The following ASAP1 variants were observed in gnomAD, a reference collection of about 807,000 sequenced individuals.
The protein encoded by ASAP1 is ArfGAP with SH3 domain, ankyrin repeat and PH domain 1.
ASAP1 carries 43 observed loss-of-function variants against 145.2 expected under a neutral mutation model. The ratio of observed to expected loss-of-function variants is 0.30; its 90% CI spans 0.23 to 0.38. The LOEUF (loss-of-function observed/expected upper bound fraction) is 0.38, where lower values mean the gene tolerates loss of function less well. Among genes scored for constraint, ASAP1 ranks in the 10% least tolerant of loss-of-function variants. The pLI is 1.00. For synonymous variants in ASAP1, 546 were observed against 515.5 expected, an observed-to-expected ratio of 1.06 and a Z score of -0.80; for missense variants, 1,018 against 1,355.3, an observed-to-expected ratio of 0.75 and a Z score of 3.91.
intron 27 of ASAP1, among the ~76,000 whole-genome samples, chr8:130,070,630 C>G (rs1031113062): frequency 6.6e-6 from 1 of 151,678 alleles, no homozygotes; most frequent in African/African-American, 2.4e-5. Flanking sequence ...ACTTAAGGGA[C>G]CTTGCTATGA....
intron 3 of ASAP1, among the ~76,000 whole-genome samples, chr8:130,312,650 G>A (rs1031674100): frequency 2.0e-5 from 3 of 152,124 alleles, no homozygotes; most frequent in African/African-American, 7.2e-5. Context: ...TATAGGTAAG[G>A]AAAACAAGGC....
rs376335866 is a variant in ASAP1, at chr8:130,402,058, T to A, written c.-27-88A>T. ...TGTCTCAGACCAAGATCGGATTTCA[T>A]ATGGAGGCTGCACCTTTGTCAGGAA... On this transcript the variant is annotated intron_variant, in intron 1 of 29. Transcript: ENST00000518721. The A allele has an allele frequency of 1.9e-4, 154 of 824,912 alleles. 1 individual carries two copies. Among genetic ancestry groups the A allele is most frequent in the Middle Eastern group, 1.4e-3 (4 of 2,800 alleles). The allele number at this position is 824,912 out of a possible 1,614,324, so 51.1% of individuals were successfully genotyped here.
Position 130,136,929 on chromosome 8 carries a change from C to G in ASAP1, c.1168+22G>C, listed in dbSNP as rs138705649. The G allele has an allele frequency of 3.7e-5, 60 of 1,606,432 alleles. No homozygotes were observed. The East Asian group carries it at 1.1e-3, about 30-fold the overall frequency. ...GTGTCAGAAGCCACAATAACCAACT[C>G]AGAGAGAGAAAAAGGACTCACGTGA... On this transcript the variant is annotated intron_variant, in intron 14 of 29. Coordinates refer to ENST00000518721, the MANE Select transcript of ASAP1 (RefSeq NM_018482.4).
At chr8:130,403,349 T>C (rs1322523611) in intron 1 of ASAP1, among the ~76,000 whole-genome samples, 1 of 151,896 alleles carries the variant, frequency 6.6e-6, no homozygotes, top group African/African-American at 2.4e-5. Context: ...TTGAGTGATA[T>C]GAAGAATACA....
chr8:130,362,439 C>T (rs1826763425), intron 2 of ASAP1, among the ~76,000 whole-genome samples: 1 of 152,160 alleles, frequency 6.6e-6, no homozygotes, highest in African/African-American at 2.4e-5. Context: ...GTTTATTCAC[C>T]TTCTTTTCTA....
intron 5 of ASAP1, among the ~76,000 whole-genome samples, chr8:130,204,663 T>C (rs774166594): frequency 5.3e-5 from 8 of 152,186 alleles, no homozygotes; most frequent in Non-Finnish European, 1.2e-4. Flanking sequence ...AAAGTATGCA[T>C]ACGCTTCTCT....
intron 11 of ASAP1, among the ~76,000 whole-genome samples, chr8:130,164,834 T>C (rs914401299): frequency 3.3e-5 from 5 of 152,336 alleles, no homozygotes; most frequent in Admixed American, 6.5e-5. Flanking sequence ...GTAGGCTAAA[T>C]GATTTGTTGG....
chr8:130,294,377 A>G (rs1036640680), intron 3 of ASAP1, among the ~76,000 whole-genome samples: 1 of 152,204 alleles, frequency 6.6e-6, no homozygotes, highest in Non-Finnish European at 1.5e-5. Flanking sequence ...GTATCCCATA[A>G]AGCCCAGCCT....
chr8:130,271,638 C>A (rs564913812), intron 3 of ASAP1, among the ~76,000 whole-genome samples: 11 of 152,268 alleles, frequency 7.2e-5, no homozygotes, highest in Non-Finnish European at 1.3e-4. Flanking sequence ...ATGATACAAG[C>A]CCCAAGGTTT....
At chr8:130,228,700 TAA>T (rs34562395) in intron 4 of ASAP1, among the ~76,000 whole-genome samples, 8,821 of 128,984 alleles carry the variant, frequency 0.068, 290 homozygotes, top group Middle Eastern at 0.12. Context: ...GACCCTGTCT[TAA>T]AAAAAAAAAA....
chr8:130,129,377 T>C (rs1345158453), intron 15 of ASAP1, among the ~76,000 whole-genome samples: 1 of 152,224 alleles, frequency 6.6e-6, no homozygotes, highest in Non-Finnish European at 1.5e-5. Flanking sequence ...TCTGAGTGAT[T>C]TTCTATAGAA....
chr8:130,311,046 T>C (rs199829889), intron 3 of ASAP1, among the ~76,000 whole-genome samples: 1 of 152,268 alleles, frequency 6.6e-6, no homozygotes, highest in South Asian at 2.1e-4. Context: ...GCTCCCACAG[T>C]GGGGAGGACA....
chr8:130,263,197 G>A (rs1820044603), intron 3 of ASAP1, among the ~76,000 whole-genome samples: 1 of 152,144 alleles, frequency 6.6e-6, no homozygotes, highest in African/African-American at 2.4e-5. Context: ...CTGGACCAAA[G>A]GGCCACACTT....
At chr8:130,325,592 T>C (rs1045202345) in intron 3 of ASAP1, among the ~76,000 whole-genome samples, 1 of 152,222 alleles carries the variant, frequency 6.6e-6, no homozygotes, top group Non-Finnish European at 1.5e-5. Flanking sequence ...TTTTGGGATA[T>C]ACAAAGAGGA....
At chr8:130,377,932 G>A (rs1452422812) in intron 2 of ASAP1, among the ~76,000 whole-genome samples, 3 of 152,230 alleles carry the variant, frequency 2.0e-5, no homozygotes, top group Non-Finnish European at 4.4e-5. Flanking sequence ...AACTCTCTTC[G>A]GATTACCCTA....
At chr8:130,264,775 G>A (rs1412400976) in intron 3 of ASAP1, among the ~76,000 whole-genome samples, 2 of 152,108 alleles carry the variant, frequency 1.3e-5, no homozygotes, top group African/African-American at 4.8e-5. Flanking sequence ...CAGTGCTGGT[G>A]CATCACAAGT....
chr8:130,257,575 T>A (rs1586698441), intron 3 of ASAP1, among the ~76,000 whole-genome samples: 1 of 152,290 alleles, frequency 6.6e-6, no homozygotes, highest in East Asian at 1.9e-4. Flanking sequence ...TTCATTGAGA[T>A]CAGTATTTCT....
At chr8:130,322,621 C>G (rs930576999) in intron 3 of ASAP1, among the ~76,000 whole-genome samples, 5 of 152,310 alleles carry the variant, frequency 3.3e-5, no homozygotes, top group African/African-American at 1.2e-4. Context: ...ATGATGAGGA[C>G]TCAGTTCAAT....
At chr8:130,144,856 T>C (rs1314104075) in intron 13 of ASAP1, among the ~76,000 whole-genome samples, 2 of 152,232 alleles carry the variant, frequency 1.3e-5, no homozygotes, top group East Asian at 1.9e-4. Flanking sequence ...AAGGGACTCA[T>C]TTCCAGTTGG....
Sources: gnomAD v4.1 joint callset for allele counts (sites outside exome capture counted in the v4.1 genomes callset) on GRCh38, gnomAD v4.1.1 for gene constraint, MANE v1.5 for transcripts, NCBI Gene and HGNC (gene_info 2026-07-23, HGNC 2026-07-21) for gene names.